The following LRP2 variants were observed in gnomAD, a reference collection of about 807,000 sequenced individuals.
The protein encoded by LRP2 is low-density lipoprotein receptor-related protein 2.
Under a neutral mutation model 531.0 loss-of-function variants are expected in LRP2, and 172 were observed. That is an observed-to-expected ratio of 0.32 (90% CI 0.29 to 0.37). The LOEUF is 0.37. Ranked by LOEUF, LRP2 falls within the 10% of genes least tolerant of loss-of-function variation. LRP2 has a pLI of 1.00. For synonymous variants in LRP2, 1,992 were observed against 2,027.6 expected (o/e 0.98, Z 0.47); for missense variants, 5,167 against 5,868.3 (o/e 0.88, Z 3.90).
At chr2:169,317,259 C>G (rs999986585) in intron 3 of LRP2, among the ~76,000 whole-genome samples, 4 of 152,198 alleles carry the variant, frequency 2.6e-5, no homozygotes, top group Admixed American at 2.0e-4. Flanking sequence ...TCATCCACCA[C>G]ACATTGAATC....
At chr2:169,316,069 G>C (rs547808888) in intron 3 of LRP2, among the ~76,000 whole-genome samples, 3 of 151,562 alleles carry the variant, frequency 2.0e-5, no homozygotes, top group African/African-American at 7.3e-5. Context: ...TTGAGCCCAG[G>C]AGGTCAAGGC....
intron 9 of LRP2, among the ~76,000 whole-genome samples, chr2:169,287,277 A>G (rs758797698): frequency 6.6e-6 from 1 of 152,308 alleles, no homozygotes; most frequent in South Asian, 2.1e-4. Context: ...AAATGTTTTA[A>G]AATGATTAGA....
chr2:169,182,511 C>T, intron 50 of LRP2, 192 bp from the exon 51 acceptor site: 1 of 1,476,988 alleles, frequency 6.8e-7, no homozygotes, highest in Non-Finnish European at 9.0e-7. Context: ...GGGTGCAAGA[C>T]TGTGTGCAAT....
chr2:169,151,477 GC>G (rs1400242150), intron 67 of LRP2, among the ~76,000 whole-genome samples: 2 of 152,094 alleles, frequency 1.3e-5, no homozygotes, highest in Non-Finnish European at 2.9e-5. Context: ...GCACGGTGGG[GC>G]TGGTGCCTTA....
At chr2:169,222,884 A>C (rs1393244791) in intron 33 of LRP2, among the ~76,000 whole-genome samples, 2 of 152,170 alleles carry the variant, frequency 1.3e-5, no homozygotes, top group African/African-American at 4.8e-5. Flanking sequence ...TCAGCTCACA[A>C]GTAACCATGA....
At chr2:169,244,182 CTA>C (rs1469157053) in intron 22 of LRP2, among the ~76,000 whole-genome samples, 3 of 152,144 alleles carry the variant, frequency 2.0e-5, no homozygotes, top group Non-Finnish European at 4.4e-5. Flanking sequence ...CCATCTTAAA[CTA>C]TTATTGAAGA....
chr2:169,192,978 A>T (rs1378589800), intron 47 of LRP2, among the ~76,000 whole-genome samples: 1 of 152,234 alleles, frequency 6.6e-6, no homozygotes, highest in African/African-American at 2.4e-5. Context: ...GATTAGATTA[A>T]TTCTTGAACT....
At chr2:169,176,349 T>C in intron 54 of LRP2, 62 bp downstream of exon 54, 3 of 1,600,104 alleles carry the variant, frequency 1.9e-6, no homozygotes, top group Non-Finnish European at 2.6e-6. Flanking sequence ...CTTGGAGCCT[T>C]GAAGGTCAAT....
At chr2:169,134,810 T>C (rs181480497) in intron 76 of LRP2, among the ~76,000 whole-genome samples, 77 of 152,278 alleles carry the variant, frequency 5.1e-4, no homozygotes, top group African/African-American at 1.6e-3. Context: ...TAAAAACGCT[T>C]CTCAAAGCCG....
chr2:169,182,479 C>T, intron 50 of LRP2, 160 bp from the exon 51 acceptor site: 3 of 1,524,306 alleles, frequency 2.0e-6, no homozygotes, highest in Non-Finnish European at 2.6e-6. Context: ...GGAAGTTTGT[C>T]TTCCTGCAGT....
rs1470241564 is a variant in LRP2, at chr2:169,337,756, G to A, written c.80-16872C>T. 2.0e-5 allele frequency among the ~76,000 whole-genome samples: 3 copies of A among 152,182 alleles called. No individual in the cohort carries two copies. In the South Asian group the frequency reaches 6.2e-4, roughly 32 times the overall value. ...GTGGAATATATGTGTATGCATGCAT[G>A]TACATCTACATATATGCACACAAGA... On this transcript the variant is annotated intron_variant, in intron 1 of 78. Transcript: ENST00000649046.
At chr2:169,273,455 G>T (rs1347627448) in intron 14 of LRP2, among the ~76,000 whole-genome samples, 1 of 152,122 alleles carries the variant, frequency 6.6e-6, no homozygotes, top group African/African-American at 2.4e-5. Context: ...TGCTTACTTT[G>T]TAAGTAAACC....
rs766780748 is a variant in LRP2, at chr2:169,275,090, C to A, written c.1921G>T (p.Ala641Ser). The change falls in exon 14 of 79, where the codon GCT (alanine) becomes TCT (serine). Residue 641 changes from alanine (A) to serine (S), a missense_variant. Ala to Ser is a moderately conservative substitution (Grantham distance 99, BLOSUM62 1). Around this residue, in one of 6 missense-constraint regions of LRP2, gnomAD observed 2,811 missense variants for 3,058.0 expected, o/e 0.92. Coordinates refer to ENST00000649046, the MANE Select transcript of LRP2 (RefSeq NM_004525.3). ...GTCACTCCATAGGGCCTCAGGGAAG[C>A]CTGGTAGTACACTTGTGGGTTGGTC... The part of the protein sequence containing the change: ...TETNPQVYYQ[A>S]SLRPYGVTVY... 1.2e-6 allele frequency: 2 copies of A among 1,613,598 alleles called. No homozygotes were observed. The highest frequency in any genetic ancestry group is 1.1e-5 in the South Asian group (1 of 91,074).
intron 16 of LRP2, among the ~76,000 whole-genome samples, chr2:169,261,797 A>G (rs1267924824): frequency 6.6e-6 from 1 of 152,128 alleles, no homozygotes; most frequent in Admixed American, 6.6e-5. Context: ...ACCAAAACAG[A>G]GCATTTTAGA....
chr2:169,227,969 T>G (rs1218185814), intron 31 of LRP2, among the ~76,000 whole-genome samples: 1 of 152,188 alleles, frequency 6.6e-6, no homozygotes, highest in Non-Finnish European at 1.5e-5. Flanking sequence ...TTCCAGGCCC[T>G]TCTTCTCTCA....
chr2:169,232,434 C>T (rs2105369950), intron 30 of LRP2, among the ~76,000 whole-genome samples: 1 of 133,638 alleles, frequency 7.5e-6, no homozygotes, highest in South Asian at 2.9e-4. Flanking sequence ...TTAATCCATT[C>T]ATTCACCAGA....
intron 3 of LRP2, among the ~76,000 whole-genome samples, chr2:169,309,954 G>C (rs549609361): frequency 3.9e-5 from 6 of 152,202 alleles, no homozygotes; most frequent in Admixed American, 6.5e-5. Flanking sequence ...TTGTAAGTTG[G>C]ATTCCTAGGT....
At chr2:169,326,872 C>T (rs1275317696) in intron 1 of LRP2, among the ~76,000 whole-genome samples, 3 of 151,388 alleles carry the variant, frequency 2.0e-5, no homozygotes, top group Non-Finnish European at 3.0e-5. Flanking sequence ...CCCGCCGCCC[C>T]GTCTGGGATG....
intron 12 of LRP2, among the ~76,000 whole-genome samples, chr2:169,278,667 G>T (rs531632982): frequency 3.3e-5 from 5 of 152,184 alleles, no homozygotes; most frequent in African/African-American, 1.2e-4. Flanking sequence ...TTCAAGGAAG[G>T]ATAGCTGATA....
Sources: allele counts gnomAD v4.1 joint callset (sites outside exome capture counted in the v4.1 genomes callset), GRCh38; gene constraint gnomAD v4.1.1; regional missense constraint gnomAD v4.1.1; transcripts MANE v1.5; gene names NCBI Gene and HGNC (gene_info 2026-07-23, HGNC 2026-07-21).